PDE6H: variants seen among roughly 807,000 people sequenced by gnomAD.
PDE6H encodes the protein retinal cone rhodopsin-sensitive cGMP 3',5'-cyclic phosphodiesterase subunit gamma.
PDE6H carries 11 observed loss-of-function variants against 9.2 expected under a neutral mutation model. The ratio of observed to expected loss-of-function variants is 1.19; its 90% CI spans 0.75 to 1.97. The LOEUF is 1.97. Ranked by LOEUF, PDE6H falls within the 30% of genes most tolerant of loss-of-function variation. The pLI, the probability that PDE6H is intolerant of heterozygous loss-of-function variation, is 0.00. For synonymous variants in PDE6H, 36 were observed against 33.6 expected (o/e 1.07, Z -0.25); for missense variants, 98 against 101.5 (o/e 0.97, Z 0.15).
In PDE6H at chr12:14,980,736, A is replaced by G. The variant is rs1864669369; in HGVS notation, c.176-664A>G. On this transcript the variant is annotated intron_variant, in intron 3 of 3. Transcript: ENST00000266395. Reference sequence around the variant, plus strand: ...TATTTGGAATAATGTAAAGAGGTTTATAGGGAGTGAAGGTCTGAGGTCTTT... The same window carrying G: ...TATTTGGAATAATGTAAAGAGGTTTGTAGGGAGTGAAGGTCTGAGGTCTTT... Among the ~76,000 whole-genome samples, 4 of 152,342 alleles carry G rather than the reference A, an allele frequency of 2.6e-5. No homozygotes were observed. The South Asian group carries it at 8.3e-4, about 32-fold the overall frequency.
chr12:14,979,233 T>C lies in PDE6H; in HGVS notation c.175+14T>C. ...GGCTAGGAACAGGTAAGCCATCCAC[T>C]GATTTAAGTGAGAACTTCGCACTTG... On this transcript the variant is annotated intron_variant, in intron 3 of 3. Coordinates refer to ENST00000266395, the MANE Select transcript of PDE6H (RefSeq NM_006205.3). 6.3e-7 allele frequency: 1 copy of C among 1,586,814 alleles called. No individual in the cohort carries two copies. Among genetic ancestry groups the C allele is most frequent in the South Asian group, 1.1e-5 (1 of 90,448 alleles).
chr12:14,974,745 A>G (rs1389258871), intron 1 of PDE6H, among the ~76,000 whole-genome samples: 1 of 152,192 alleles, frequency 6.6e-6, no homozygotes, highest in Non-Finnish European at 1.5e-5. Flanking sequence ...TGAAGGAAGC[A>G]GAGAATTACC....
chr12:14,975,695 G>A (rs1006031228), intron 1 of PDE6H, among the ~76,000 whole-genome samples: 5 of 152,132 alleles, frequency 3.3e-5, no homozygotes, highest in Non-Finnish European at 2.9e-5. Flanking sequence ...GTGAGCAGAG[G>A]AACTGGCAGT....
chr12:14,980,423 G>A (rs1197157906), intron 3 of PDE6H, among the ~76,000 whole-genome samples: 1 of 152,112 alleles, frequency 6.6e-6, no homozygotes, highest in Non-Finnish European at 1.5e-5. Flanking sequence ...TGAATAAAAT[G>A]CCCCTAAATA....
chr12:14,979,348 A>C, intron 3 of PDE6H, 129 bp downstream of exon 3: 1 of 711,076 alleles, frequency 1.4e-6, no homozygotes, highest in Non-Finnish European at 2.6e-6. Context: ...AAGACATAGA[A>C]ATGTGGGGAT....
In PDE6H at chr12:14,981,522, G is replaced by C. The variant is rs1864684535; in HGVS notation, c.*46G>C. ...TCTCAATGACATCTGCTGTAATTTT[G>C]GTTGCTTTTGCCCTGTTGATCTGCC... is the stretch of plus-strand genomic sequence containing the variant. On this transcript the variant is annotated 3_prime_UTR_variant, in exon 4 of 4. Coordinates refer to ENST00000266395, the MANE Select transcript of PDE6H (RefSeq NM_006205.3). 7.3e-7 allele frequency: 1 copy of C among 1,375,226 alleles called. No individual in the cohort carries two copies. Among genetic ancestry groups the C allele is most frequent in the African/African-American group, 1.4e-5 (1 of 70,264 alleles). 85.2% of individuals were successfully genotyped at this position (1,375,226 alleles called of 1,614,324 possible). A position where few individuals can be genotyped will look rare whatever the true frequency, so the allele number is the denominator to read the frequency against.
chr12:14,980,852 G>C (rs1024202561), intron 3 of PDE6H, among the ~76,000 whole-genome samples: 8 of 152,182 alleles, frequency 5.3e-5, no homozygotes, highest in African/African-American at 1.9e-4. Context: ...GTAACTCAGG[G>C]ATAATAACAT....
intron 1 of PDE6H, among the ~76,000 whole-genome samples, chr12:14,975,242 G>A (rs971241508): frequency 4.0e-5 from 6 of 151,506 alleles, no homozygotes; most frequent in African/African-American, 1.5e-4. Flanking sequence ...AAGGATGCCA[G>A]TTCAATTTGA....
chr12:14,979,268 C>G, intron 3 of PDE6H, 49 bp downstream of exon 3: 1 of 1,297,618 alleles, frequency 7.7e-7, no homozygotes, highest in Non-Finnish European at 1.1e-6. Flanking sequence ...GGAGTTCTGC[C>G]TTTTTATATA....
At chr12:14,976,883 T>C (rs1164232111) in intron 1 of PDE6H, among the ~76,000 whole-genome samples, 1 of 152,170 alleles carries the variant, frequency 6.6e-6, no homozygotes, top group African/African-American at 2.4e-5. Flanking sequence ...TTGTTAACTC[T>C]TACGAAAGAA....
At chr12:14,973,132 G>C (rs956128203) in intron 1 of PDE6H, 46 bp downstream of exon 1, 15 of 152,220 alleles carry the variant, frequency 9.9e-5, no homozygotes, top group Non-Finnish European at 1.9e-4. Flanking sequence ...GATAATTGAA[G>C]GGCTTTGGGG....
At chr12:14,975,647 G>A (rs796400284) in intron 1 of PDE6H, among the ~76,000 whole-genome samples, 10 of 152,112 alleles carry the variant, frequency 6.6e-5, no homozygotes, top group African/African-American at 1.7e-4. Context: ...CCTGTCTACC[G>A]GGGGTAGAGA....
intron 1 of PDE6H, among the ~76,000 whole-genome samples, chr12:14,973,287 T>C (rs532451279): frequency 6.6e-6 from 1 of 152,236 alleles, no homozygotes; most frequent in East Asian, 1.9e-4. Flanking sequence ...AGCAAATAAG[T>C]GAAACTTGAT....
Position 14,978,108 on chromosome 12 carries a change from C to T in PDE6H, c.96C>T (p.Arg32=). ...GPPKFKQRQT[R]QFKSKPPKKG... is the part of the protein sequence containing the mutation. The stretch of plus-strand genomic sequence containing the variant: ...CCAAGTTCAAGCAGAGGCAGACTCG[C>T]CAATTCAAGAGTAAACCTCCAAAGA... The change falls in exon 2 of 4, where the codon CGC becomes CGT. Residue 32 remains arginine, a synonymous_variant. Coordinates refer to ENST00000266395, the MANE Select transcript of PDE6H (RefSeq NM_006205.3). The T allele has an allele frequency of 6.2e-7, 1 of 1,613,682 alleles. No homozygotes were observed. The highest frequency in any genetic ancestry group is 1.3e-5 in the African/African-American group (1 of 74,960).
chr12:14,975,219 C>T (rs931462673), intron 1 of PDE6H, among the ~76,000 whole-genome samples: 5 of 151,672 alleles, frequency 3.3e-5, no homozygotes, highest in Admixed American at 6.6e-5. Context: ...ATTAGGGCTG[C>T]CAGATAAAAA....
intron 1 of PDE6H, among the ~76,000 whole-genome samples, chr12:14,973,614 T>C (rs1243025356): frequency 6.6e-6 from 1 of 152,168 alleles, no homozygotes; most frequent in East Asian, 1.9e-4. Flanking sequence ...GCTGGAATTT[T>C]GGTAATTTTT....
intron 1 of PDE6H, among the ~76,000 whole-genome samples, chr12:14,974,164 A>G (rs1864559395): frequency 6.6e-6 from 1 of 152,236 alleles, no homozygotes; most frequent in African/African-American, 2.4e-5. Context: ...AGGAAAAAAT[A>G]TGAAACTTCT....
chr12:14,978,278 C>T, intron 2 of PDE6H, 132 bp downstream of exon 2: 3 of 753,920 alleles, frequency 4.0e-6, no homozygotes, highest in Admixed American at 2.1e-5. Context: ...CTCTTTTCCT[C>T]TGTAACTCCA....
At chr12:14,980,133 A>G (rs554133910) in intron 3 of PDE6H, among the ~76,000 whole-genome samples, 32 of 152,316 alleles carry the variant, frequency 2.1e-4, no homozygotes, top group African/African-American at 7.2e-4. Context: ...CCACCCGGTC[A>G]TCCTTCTCTC....
Sources: allele counts gnomAD v4.1 joint callset (sites outside exome capture counted in the v4.1 genomes callset), GRCh38; gene constraint gnomAD v4.1.1; transcripts MANE v1.5; gene names NCBI Gene and HGNC (gene_info 2026-07-23, HGNC 2026-07-21).